Variants in IGSF5 observed in about 807,000 individuals in gnomAD.
IGSF5 encodes immunoglobulin superfamily 5 like.
In IGSF5, 41 loss-of-function variants were observed where a neutral mutation model predicts 39.4. The ratio of observed to expected loss-of-function variants is 1.04; its 90% CI spans 0.81 to 1.35. The LOEUF (loss-of-function observed/expected upper bound fraction) is 1.35. IGSF5 is among the 40% of genes most tolerant of loss of function. The probability of loss-of-function intolerance (pLI) is 0.00; values close to 1 mark genes in which losing one functional copy is unlikely to be tolerated. For missense variants in IGSF5, 487 were observed against 494.6 expected, an observed-to-expected ratio of 0.98 and a Z score of 0.15; for synonymous variants, 183 against 175.3, an observed-to-expected ratio of 1.04 and a Z score of -0.34.
the IGSF5 span, among the ~76,000 whole-genome samples, chr21:39,733,500 A>T: frequency 6.6e-6 from 1 of 152,252 alleles, no homozygotes. Flanking sequence ...CATCCATAAA[A>T]CATAATATTG....
At chr21:39,742,911 C>G (rs2079954381), upstream of IGSF5, among the ~76,000 whole-genome samples, 1 of 152,100 alleles carries the variant, frequency 6.6e-6, no homozygotes, top group African/African-American at 2.4e-5. Flanking sequence ...AAGTTTTTTC[C>G]TAATGTCTGC....
At chr21:39,727,566 T>G in the IGSF5 span, among the ~76,000 whole-genome samples, 1 of 152,220 alleles carries the variant, frequency 6.6e-6, no homozygotes, top group African/African-American at 2.4e-5. Flanking sequence ...CTCAGGCAGG[T>G]CACCCAGACC....
intron 8 of IGSF5, among the ~76,000 whole-genome samples, chr21:39,796,330 T>TGC (rs2086996012): frequency 6.6e-6 from 1 of 152,182 alleles, no homozygotes; most frequent in Non-Finnish European, 1.5e-5. Context: ...CCAGGCCCCG[T>TGC]AGCCCTGCAG....
chr21:39,747,227 C>T (rs1423282032), intron 2 of IGSF5, among the ~76,000 whole-genome samples: 9 of 152,280 alleles, frequency 5.9e-5, no homozygotes, highest in East Asian at 3.9e-4. Flanking sequence ...GCAGCAAGAG[C>T]GAATCAGAGA....
the IGSF5 span, among the ~76,000 whole-genome samples, chr21:39,719,006 A>T: frequency 2.0e-5 from 3 of 152,042 alleles, no homozygotes; most frequent in African/African-American, 7.2e-5. Context: ...CAGGCTATTT[A>T]TTACTGATTC....
chr21:39,749,968 G>C (rs1306150368), intron 2 of IGSF5, among the ~76,000 whole-genome samples: 1 of 152,154 alleles, frequency 6.6e-6, no homozygotes, highest in Non-Finnish European at 1.5e-5. Flanking sequence ...ACATTGCCAG[G>C]GTGAAATTCA....
chr21:39,752,957 TTACTC>T (rs1458597525), intron 2 of IGSF5, among the ~76,000 whole-genome samples: 2 of 152,234 alleles, frequency 1.3e-5, no homozygotes, highest in African/African-American at 2.4e-5. Flanking sequence ...GGTTGTGTGT[TTACTC>T]TGCTGATTAC....
the IGSF5 span, among the ~76,000 whole-genome samples, chr21:39,727,391 G>T: frequency 1.3e-5 from 2 of 152,214 alleles, no homozygotes; most frequent in Non-Finnish European, 2.9e-5. Context: ...TGGGGCTATG[G>T]TTGCTACCAG....
chr21:39,748,301 CTTTTTTTTTT>C (rs60669244), intron 2 of IGSF5, among the ~76,000 whole-genome samples: 21 of 58,242 alleles, frequency 3.6e-4, no homozygotes, highest in Admixed American at 1.2e-3. Context: ...AAAACAAGAT[CTTTTTTTTTT>C]TTTTTTTTTT....
At chr21:39,773,792 A>AT (rs1053425120) in intron 4 of IGSF5, among the ~76,000 whole-genome samples, 1 of 152,250 alleles carries the variant, frequency 6.6e-6, no homozygotes, top group South Asian at 2.1e-4. Context: ...GAAAGAGAAG[A>AT]TTTTAAAAAA....
At chr21:39,745,853 CGA>C (rs2079971559) in intron 1 of IGSF5, among the ~76,000 whole-genome samples, 1 of 152,010 alleles carries the variant, frequency 6.6e-6, no homozygotes, top group Non-Finnish European at 1.5e-5. Flanking sequence ...GTATAGCAAG[CGA>C]AAGTGGTCCA....
At chr21:39,715,399 A>T in the IGSF5 span, among the ~76,000 whole-genome samples, 148 of 152,222 alleles carry the variant, frequency 9.7e-4, no homozygotes, top group Non-Finnish European at 1.8e-3. Flanking sequence ...GATTGTGGGT[A>T]TGAGCCACCA....
At chr21:39,782,274 C>T (rs947779534) in intron 5 of IGSF5, among the ~76,000 whole-genome samples, 19 of 152,074 alleles carry the variant, frequency 1.2e-4, no homozygotes, top group African/African-American at 4.3e-4. Flanking sequence ...GTGAGTCTGC[C>T]TTGTAGCTTT....
chr21:39,752,448 C>G (rs764573561), intron 2 of IGSF5, among the ~76,000 whole-genome samples: 7 of 152,144 alleles, frequency 4.6e-5, no homozygotes, highest in Admixed American at 2.6e-4. Flanking sequence ...CATATTGTTG[C>G]AATTGCAATT....
Position 39,801,962 on chromosome 21 carries a change from C to T in IGSF5, c.*605C>T, listed in dbSNP as rs1461096276. The T allele has an allele frequency of 6.6e-6, 1 of 152,316 alleles. No individual in the cohort carries two copies. The highest frequency in any genetic ancestry group is 1.9e-4 in the East Asian group (1 of 5,192). The allele number at this position is 152,316 out of a possible 1,614,324, so 9.4% of individuals were successfully genotyped here. A position where few individuals can be genotyped will look rare whatever the true frequency, so the allele number is the denominator to read the frequency against. The stretch of plus-strand genomic sequence containing the variant: ...CCTTTATCAGACCTATTTGCATCTC[C>T]TCAAATGAATTAGATGTGGCCTATG... On this transcript the variant is annotated 3_prime_UTR_variant, in exon 9 of 9. Coordinates refer to ENST00000380588, the MANE Select transcript of IGSF5 (RefSeq NM_001080444.2).
chr21:39,720,283 C>CA, the IGSF5 span, among the ~76,000 whole-genome samples: 1 of 152,144 alleles, frequency 6.6e-6, no homozygotes, highest in Non-Finnish European at 1.5e-5. Context: ...AGGCTGAGCT[C>CA]AGGCAGTAAT....
chr21:39,779,075 T>G lies in IGSF5; in HGVS notation c.719-15T>G, dbSNP rs748238249. On this transcript the variant is annotated splice_polypyrimidine_tract_variant and intron_variant, in intron 4 of 8. Coordinates refer to ENST00000380588, the MANE Select transcript of IGSF5 (RefSeq NM_001080444.2). Reference sequence around the variant, plus strand: ...CAGTGCAAGTATCACTAAAATATATTTTTTTCTTCTTTAGACACTGGAGGT... The same window carrying G: ...CAGTGCAAGTATCACTAAAATATATGTTTTTCTTCTTTAGACACTGGAGGT... 1 of 1,610,674 alleles carries G rather than the reference T, an allele frequency of 6.2e-7. No individual in the cohort carries two copies. The highest frequency in any genetic ancestry group is 1.7e-5 in the Admixed American group (1 of 59,896).
chr21:39,739,008 C>T, the IGSF5 span, among the ~76,000 whole-genome samples: 1 of 152,086 alleles, frequency 6.6e-6, no homozygotes, highest in Non-Finnish European at 1.5e-5. Flanking sequence ...CCTGCCTCAG[C>T]CTCCTGAGTA....
chr21:39,788,050 G>C (rs2837218), intron 5 of IGSF5, 117 bp from the exon 6 acceptor site: 229,479 of 734,612 alleles, frequency 0.31, 39,499 homozygotes, highest in East Asian at 0.5. Context: ...ATGCTCCTTG[G>C]GTCACAAATA....
Sources: gnomAD v4.1 joint callset for allele counts (sites outside exome capture counted in the v4.1 genomes callset) on GRCh38, gnomAD v4.1.1 for gene constraint, MANE v1.5 for transcripts, NCBI Gene and HGNC (gene_info 2026-07-23, HGNC 2026-07-21) for gene names.